TECTB: variants seen among roughly 807,000 people sequenced by gnomAD.
The protein encoded by TECTB is tectorin beta.
In TECTB, 45 loss-of-function variants were observed where a neutral mutation model predicts 43.3. The ratio of observed to expected loss-of-function variants is 1.04; its 90% CI spans 0.82 to 1.33. The LOEUF is 1.33. TECTB is among the 40% of genes most tolerant of loss of function. TECTB has a pLI of 0.00. For missense variants in TECTB, 399 were observed against 404.7 expected, an observed-to-expected ratio of 0.99 and a Z score of 0.12; for synonymous variants, 169 against 156.7, an observed-to-expected ratio of 1.08 and a Z score of -0.59.
rs1270136156 is a variant in TECTB, at chr10:112,293,812, A to G, written c.558A>G (p.Ala186=). The change falls in exon 6 of 11, where the codon GCA becomes GCG. Residue 186 remains alanine, a synonymous_variant. Transcript: ENST00000646139. The stretch of plus-strand genomic sequence containing the variant: ...CCGAAATCGGTTCAGATCTGTTTGC[A>G]GGAGTGGAAGCCAAAGGGTTAAGCA... ...EASEIGSDLF[A]GVEAKGLSIR... The G allele has an allele frequency of 1.2e-6, 2 of 1,614,210 alleles. No homozygotes were observed. Among genetic ancestry groups the G allele is most frequent in the Admixed American group, 3.3e-5 (2 of 60,022 alleles).
chr10:112,297,317 T>C (rs78039812), intron 7 of TECTB, among the ~76,000 whole-genome samples: 9,504 of 152,244 alleles, frequency 0.062, 381 homozygotes, highest in East Asian at 0.19. Context: ...CGAGAACCAC[T>C]AGCTTAAATA....
chr10:112,294,187 T>C lies in TECTB; in HGVS notation c.671+126T>C, dbSNP rs113741829. 1.5e-4 allele frequency: 114 copies of C among 780,162 alleles called. 1 individual carries two copies. The highest frequency in any genetic ancestry group is 1.4e-3 in the African/African-American group (82 of 58,060). The allele number at this position is 780,162 out of a possible 1,614,324, so 48.3% of individuals were successfully genotyped here. On this transcript the variant is annotated intron_variant, in intron 7 of 10. Transcript: ENST00000646139. The stretch of plus-strand genomic sequence containing the variant: ...TGCTGGAGTTACAGCAGTGACACCA[T>C]CTGTGGTTCCAGGCAAAGAACAAAT...
At chr10:112,294,799 T>C (rs1848531097) in intron 7 of TECTB, among the ~76,000 whole-genome samples, 1 of 151,998 alleles carries the variant, frequency 6.6e-6, no homozygotes, top group South Asian at 2.1e-4. Context: ...TAATAAAAAG[T>C]AGGGAGATGC....
intron 5 of TECTB, among the ~76,000 whole-genome samples, chr10:112,286,951 A>G (rs1411316239): frequency 6.6e-6 from 1 of 152,118 alleles, no homozygotes; most frequent in African/African-American, 2.4e-5. Context: ...CAAAAAAACC[A>G]ATCTTCCGCA....
intron 2 of TECTB, among the ~76,000 whole-genome samples, chr10:112,284,141 C>G (rs1848435492): frequency 6.6e-6 from 1 of 151,994 alleles, no homozygotes; most frequent in Non-Finnish European, 1.5e-5. Context: ...ATCTTGTGCC[C>G]TAAATCAGTA....
intron 10 of TECTB, chr10:112,302,634 A>T: frequency 3.7e-6 from 1 of 270,886 alleles, no homozygotes; most frequent in Non-Finnish European, 6.8e-6. Flanking sequence ...GCACTGAACA[A>T]TGCCCAGCAA....
intron 2 of TECTB, among the ~76,000 whole-genome samples, chr10:112,284,107 TTTCCA>T (rs1848435272): frequency 6.6e-6 from 1 of 152,222 alleles, no homozygotes; most frequent in African/African-American, 2.4e-5. Flanking sequence ...TCCACTTTTT[TTTCCA>T]TTCAACTACT....
rs1008294451 is a variant in TECTB at position 112,293,782 on chromosome 10, G to T, written c.528G>T (p.Glu176Asp). The T allele has an allele frequency of 5.6e-6, 9 of 1,614,020 alleles. No individual in the cohort carries two copies. The highest frequency in any genetic ancestry group is 7.6e-6 in the Non-Finnish European group (9 of 1,180,038). Residue 176 changes from glutamate (E) to aspartate (D), a missense_variant, in exon 6 of 11, where the codon GAG becomes GAT. Glu to Asp is a conservative substitution (Grantham distance 45). Coordinates refer to ENST00000646139, the MANE Select transcript of TECTB (RefSeq NM_058222.3). ...AGAAAGAAGCTCCCTTTGTCCTGGA[G>T]GCATCCGAAATCGGTTCAGATCTGT... ...SIKKEAPFVL[E>D]ASEIGSDLFA...
At chr10:112,298,661 AC>A (rs1339397575) in intron 8 of TECTB, among the ~76,000 whole-genome samples, 1 of 152,208 alleles carries the variant, frequency 6.6e-6, no homozygotes, top group Non-Finnish European at 1.5e-5. Flanking sequence ...TTTAGTCTTG[AC>A]TGAACAGCCC....
chr10:112,303,188 A>T, intron 10 of TECTB, 75 bp from the exon 11 acceptor site: 1 of 1,560,264 alleles, frequency 6.4e-7, no homozygotes, highest in African/African-American at 1.4e-5. Flanking sequence ...CCCCTGAGTT[A>T]ACTCTTCTGT....
chr10:112,287,912 A>C (rs1226156993), intron 5 of TECTB, among the ~76,000 whole-genome samples: 2 of 152,238 alleles, frequency 1.3e-5, no homozygotes, highest in Non-Finnish European at 2.9e-5. Flanking sequence ...CACAAAATCT[A>C]GATCTGCCCC....
intron 9 of TECTB, 124 bp downstream of exon 9, chr10:112,299,688 C>T: frequency 1.0e-6 from 1 of 989,722 alleles, no homozygotes; most frequent in Non-Finnish European, 1.5e-6. Flanking sequence ...TGGGCACAAC[C>T]TTCACCTGCT....
chr10:112,302,944 T>C (rs1207911891), intron 10 of TECTB: 3 of 364,528 alleles, frequency 8.2e-6, no homozygotes, highest in Admixed American at 7.6e-5. Context: ...GCTCTCATCA[T>C]TACAGGAGAA....
At chr10:112,288,986 C>A (rs1458934169) in intron 5 of TECTB, among the ~76,000 whole-genome samples, 1 of 152,184 alleles carries the variant, frequency 6.6e-6, no homozygotes, top group African/African-American at 2.4e-5. Flanking sequence ...AGCCTTGTTC[C>A]ATCATTTACT....
intron 5 of TECTB, among the ~76,000 whole-genome samples, chr10:112,291,612 C>A (rs1848499748): frequency 6.6e-6 from 1 of 152,246 alleles, no homozygotes; most frequent in Non-Finnish European, 1.5e-5. Context: ...CACTGTCTAC[C>A]TATTGCAGTT....
chr10:112,291,950 C>G (rs1468706276), intron 5 of TECTB, among the ~76,000 whole-genome samples: 3 of 152,108 alleles, frequency 2.0e-5, no homozygotes, highest in African/African-American at 7.2e-5. Flanking sequence ...TCCTGGCTAA[C>G]ACGGTGAAAC....
chr10:112,300,267 AAAG>A (rs1411452174), intron 9 of TECTB, among the ~76,000 whole-genome samples: 729 of 31,528 alleles, frequency 0.023, 4 homozygotes, highest in African/African-American at 0.054. Context: ...AGAAAGAAAG[AAAG>A]AAAGAAAGAA....
chr10:112,300,283 G>GAAAGAAAGAAAGA (rs1848594975), intron 9 of TECTB, among the ~76,000 whole-genome samples: 6 of 45,362 alleles, frequency 1.3e-4, no homozygotes, highest in Admixed American at 6.8e-4. Context: ...AGAAAGAAAA[G>GAAAGAAAGAAAGA]AAAGAAAGAA....
chr10:112,283,954 A>C, intron 2 of TECTB, 144 bp downstream of exon 2: 3 of 815,572 alleles, frequency 3.7e-6, no homozygotes, highest in Non-Finnish European at 5.6e-6. Flanking sequence ...CCCCTCCAAT[A>C]CCAATCAGAC....
Sources: allele counts gnomAD v4.1 joint callset (sites outside exome capture counted in the v4.1 genomes callset), GRCh38; gene constraint gnomAD v4.1.1; transcripts MANE v1.5; gene names NCBI Gene and HGNC (gene_info 2026-07-23, HGNC 2026-07-21).